NELL2: variants seen among roughly 807,000 people sequenced by gnomAD.
The protein encoded by NELL2 is protein kinase C-binding protein NELL2.
In NELL2, 41 loss-of-function variants were observed where a neutral mutation model predicts 109.6. The observed-to-expected ratio is 0.37, with a 90% CI of 0.29 to 0.49. The LOEUF (loss-of-function observed/expected upper bound fraction) is 0.49, where lower values mean the gene tolerates loss of function less well. NELL2 is among the 20% of genes least tolerant of loss of function. The probability of loss-of-function intolerance (pLI) is 0.98; values close to 1 mark genes in which losing one functional copy is unlikely to be tolerated. For missense variants in NELL2, 900 were observed against 1,008.3 expected (o/e 0.89, Z 1.45); for synonymous variants, 355 against 344.7 (o/e 1.03, Z -0.33).
intron 1 of NELL2, among the ~76,000 whole-genome samples, chr12:44,881,331 G>A (rs568078781): frequency 1.1e-3 from 171 of 151,946 alleles, no homozygotes; most frequent in Non-Finnish European, 1.9e-3. Flanking sequence ...ATCTGGAAAA[G>A]ATTAAAGAAA....
chr12:44,579,336 A>T (rs1393473221), intron 15 of NELL2, among the ~76,000 whole-genome samples: 7 of 152,198 alleles, frequency 4.6e-5, no homozygotes, highest in African/African-American at 1.7e-4. Context: ...ATGTTCCCCC[A>T]AATCAGTTTT....
chr12:44,572,448 C>T (rs1164349882), intron 15 of NELL2, among the ~76,000 whole-genome samples: 1 of 152,148 alleles, frequency 6.6e-6, no homozygotes, highest in Non-Finnish European at 1.5e-5. Context: ...TGTGCCTGGT[C>T]TGCTCTTTTT....
At chr12:44,802,896 G>T (rs537452257) in intron 3 of NELL2, among the ~76,000 whole-genome samples, 1 of 152,042 alleles carries the variant, frequency 6.6e-6, no homozygotes, top group African/African-American at 2.4e-5. Context: ...GGTGGGTGAA[G>T]GTCTGATGAG....
At chr12:44,783,769 C>G (rs753715170) in intron 3 of NELL2, among the ~76,000 whole-genome samples, 9 of 151,926 alleles carry the variant, frequency 5.9e-5, no homozygotes, top group Non-Finnish European at 1.3e-4. Flanking sequence ...CATATGAATT[C>G]TACACAATCG....
At position 44,792,111 on chromosome 12, in the gene NELL2, C is replaced by T. The variant is rs192107425; in HGVS notation, c.336-12089G>A. 5.3e-5 allele frequency among the ~76,000 whole-genome samples: 8 copies of T among 152,190 alleles called. No individual in the cohort carries two copies. The East Asian group carries it at 7.7e-4, about 15-fold the overall frequency. Reference sequence around the variant, plus strand: ...AGAGGGAGTGATCAACTGTATCAAACGCCATTGACAGGTTAAGTAAGATGA... The same window carrying T: ...AGAGGGAGTGATCAACTGTATCAAATGCCATTGACAGGTTAAGTAAGATGA... On this transcript the variant is annotated intron_variant, in intron 3 of 19. Coordinates refer to ENST00000429094, the MANE Select transcript of NELL2 (RefSeq NM_001145108.2).
chr12:44,671,040 G>A (rs773222557), intron 12 of NELL2, among the ~76,000 whole-genome samples: 1 of 152,068 alleles, frequency 6.6e-6, no homozygotes, highest in African/African-American at 2.4e-5. Flanking sequence ...AACACGTTAG[G>A]CCACAAAACA....
chr12:44,735,079 T>A (rs1363398001), intron 9 of NELL2, among the ~76,000 whole-genome samples: 1 of 152,148 alleles, frequency 6.6e-6, no homozygotes, highest in African/African-American at 2.4e-5. Flanking sequence ...TTAGACTTTT[T>A]TGTCTTCAAT....
At chr12:44,576,053 T>C (rs749947399) in intron 15 of NELL2, among the ~76,000 whole-genome samples, 2 of 152,236 alleles carry the variant, frequency 1.3e-5, no homozygotes, top group Non-Finnish European at 2.9e-5. Context: ...TGTGCCATGC[T>C]GTCCCCATCA....
chr12:44,510,959 G>A (rs956657154), intron 19 of NELL2, among the ~76,000 whole-genome samples: 1 of 152,124 alleles, frequency 6.6e-6, no homozygotes, highest in Non-Finnish European at 1.5e-5. Flanking sequence ...CCAGTTCCTG[G>A]GAATATCAGC....
At chr12:44,673,866 A>G (rs982851624) in intron 12 of NELL2, among the ~76,000 whole-genome samples, 1 of 152,174 alleles carries the variant, frequency 6.6e-6, no homozygotes, top group Non-Finnish European at 1.5e-5. Context: ...CTATATTACT[A>G]TAGTTCTTCC....
At chr12:44,662,006 C>A (rs533220783) in intron 13 of NELL2, among the ~76,000 whole-genome samples, 3 of 152,134 alleles carry the variant, frequency 2.0e-5, no homozygotes, top group African/African-American at 7.2e-5. Flanking sequence ...TCTATAGGAA[C>A]ACGAAACGAT....
At chr12:44,720,588 C>T (rs958621151) in intron 9 of NELL2, among the ~76,000 whole-genome samples, 2 of 152,144 alleles carry the variant, frequency 1.3e-5, no homozygotes, top group African/African-American at 4.8e-5. Flanking sequence ...TTAGCATGCT[C>T]AAAGAAAGTC....
At chr12:44,621,094 A>T (rs1017147113) in intron 13 of NELL2, among the ~76,000 whole-genome samples, 1 of 152,066 alleles carries the variant, frequency 6.6e-6, no homozygotes, top group South Asian at 2.1e-4. Flanking sequence ...TCTAGTAGTA[A>T]TATCACTTGT....
chr12:44,906,701 G>C (rs1945722899), intron 1 of NELL2, among the ~76,000 whole-genome samples: 1 of 152,032 alleles, frequency 6.6e-6, no homozygotes, highest in South Asian at 2.1e-4. Flanking sequence ...AAAAACTAGA[G>C]GAAGAGATGG....
intron 16 of NELL2, among the ~76,000 whole-genome samples, chr12:44,523,975 C>T (rs1264159482): frequency 6.6e-6 from 1 of 152,154 alleles, no homozygotes; most frequent in African/African-American, 2.4e-5. Flanking sequence ...GCGGCTGCAC[C>T]TGCCCCCCTC....
intron 12 of NELL2, among the ~76,000 whole-genome samples, chr12:44,677,268 A>T (rs1948350613): frequency 6.6e-6 from 1 of 152,192 alleles, no homozygotes; most frequent in Non-Finnish European, 1.5e-5. Context: ...ACACTATATG[A>T]GAGTTTGACA....
chr12:44,881,387 C>A (rs1945410458), intron 1 of NELL2, among the ~76,000 whole-genome samples: 1 of 151,478 alleles, frequency 6.6e-6, no homozygotes, highest in South Asian at 2.1e-4. Flanking sequence ...ACTCTTGAAA[C>A]CAATGAAAGA....
At chr12:44,592,184 T>C (rs762342315) in intron 15 of NELL2, among the ~76,000 whole-genome samples, 4 of 152,184 alleles carry the variant, frequency 2.6e-5, no homozygotes, top group Non-Finnish European at 5.9e-5. Flanking sequence ...GGTTTTAAAA[T>C]GATCAGAAAA....
chr12:44,592,924 T>C (rs1944813067), intron 15 of NELL2, among the ~76,000 whole-genome samples: 1 of 152,212 alleles, frequency 6.6e-6, no homozygotes, highest in Non-Finnish European at 1.5e-5. Flanking sequence ...TCATTTTGTC[T>C]TTTTGACATT....
Sources: allele counts gnomAD v4.1 joint callset (sites outside exome capture counted in the v4.1 genomes callset), GRCh38; gene constraint gnomAD v4.1.1; transcripts MANE v1.5; gene names NCBI Gene and HGNC (gene_info 2026-07-23, HGNC 2026-07-21).